The following CNTNAP5 variants were observed in gnomAD, a reference collection of about 807,000 sequenced individuals.
CNTNAP5 encodes the protein contactin-associated protein-like 5.
CNTNAP5 carries 72 observed loss-of-function variants against 150.2 expected under a neutral mutation model. That is an observed-to-expected ratio of 0.48 (90% confidence interval 0.40 to 0.58). The LOEUF is 0.58. Among genes scored for constraint, CNTNAP5 ranks in the 20% least tolerant of loss-of-function variants. CNTNAP5 has a pLI of 0.00. For synonymous variants in CNTNAP5, 672 were observed against 619.8 expected, an observed-to-expected ratio of 1.08 and a Z score of -1.25; for missense variants, 1,636 against 1,626.2, an observed-to-expected ratio of 1.01 and a Z score of -0.10.
chr2:124,047,416 G>A (rs570423787), intron 1 of CNTNAP5, among the ~76,000 whole-genome samples: 36 of 152,370 alleles, frequency 2.4e-4, no homozygotes, highest in African/African-American at 8.4e-4. Context: ...TACACAGAGA[G>A]CTTGGACGGA....
chr2:124,053,014 C>T (rs764307317), intron 1 of CNTNAP5, among the ~76,000 whole-genome samples: 1 of 150,344 alleles, frequency 6.7e-6, no homozygotes, highest in Non-Finnish European at 1.5e-5. Flanking sequence ...CTCCCCCGTC[C>T]CTGCTCTGTG....
At chr2:124,516,362 T>C (rs1215203496) in intron 8 of CNTNAP5, among the ~76,000 whole-genome samples, 1 of 152,134 alleles carries the variant, frequency 6.6e-6, no homozygotes, top group Admixed American at 6.5e-5. Flanking sequence ...AATAAGAGCA[T>C]GTATGAGAGG....
At chr2:124,251,698 C>T (rs895483060) in intron 3 of CNTNAP5, among the ~76,000 whole-genome samples, 1 of 152,084 alleles carries the variant, frequency 6.6e-6, no homozygotes. Flanking sequence ...GAGGAATATG[C>T]ACAGATGGGC....
chr2:124,099,177 A>G (rs1048853882), intron 1 of CNTNAP5, among the ~76,000 whole-genome samples: 3 of 152,110 alleles, frequency 2.0e-5, no homozygotes, highest in Non-Finnish European at 2.9e-5. Context: ...TCAGGGCTTC[A>G]CTTACACTCT....
intron 3 of CNTNAP5, among the ~76,000 whole-genome samples, chr2:124,255,524 A>AAAAATAAAATAAAAT (rs202068928): frequency 1.5e-3 from 193 of 132,148 alleles, no homozygotes; most frequent in African/African-American, 5.3e-3. Flanking sequence ...ACTCTGTCTC[A>AAAAATAAAATAAAAT]AAAATAAAAT....
intron 3 of CNTNAP5, among the ~76,000 whole-genome samples, chr2:124,374,442 T>C (rs1010664648): frequency 6.6e-6 from 1 of 152,112 alleles, no homozygotes; most frequent in Non-Finnish European, 1.5e-5. Context: ...TCCTGCTCTC[T>C]AGACTGTTAC....
chr2:124,515,315 C>T (rs1470800290), intron 8 of CNTNAP5, among the ~76,000 whole-genome samples: 1 of 152,130 alleles, frequency 6.6e-6, no homozygotes, highest in Non-Finnish European at 1.5e-5. Flanking sequence ...GTGACTCAAA[C>T]TCTGACCCCC....
chr2:124,568,784 G>A (rs1388140746), intron 11 of CNTNAP5, among the ~76,000 whole-genome samples: 5 of 152,162 alleles, frequency 3.3e-5, no homozygotes, highest in African/African-American at 9.7e-5. Flanking sequence ...GGTGGCTCAC[G>A]CCTGTAATCC....
At chr2:124,891,145 A>T (rs1260763587) in intron 21 of CNTNAP5, among the ~76,000 whole-genome samples, 2 of 152,118 alleles carry the variant, frequency 1.3e-5, no homozygotes, top group Non-Finnish European at 2.9e-5. Flanking sequence ...TACTTGTGAC[A>T]TTGACTAAGT....
At chr2:124,148,047 G>A (rs1226343172) in intron 1 of CNTNAP5, among the ~76,000 whole-genome samples, 2 of 152,186 alleles carry the variant, frequency 1.3e-5, no homozygotes, top group East Asian at 3.9e-4. Flanking sequence ...CACTCACACT[G>A]CCCATGCCTT....
chr2:124,330,091 G>T (rs1263153419), intron 3 of CNTNAP5, among the ~76,000 whole-genome samples: 2 of 152,228 alleles, frequency 1.3e-5, no homozygotes, highest in East Asian at 3.9e-4. Context: ...ATGAGGCTCT[G>T]GGACCTGTCA....
intron 1 of CNTNAP5, among the ~76,000 whole-genome samples, chr2:124,057,687 T>C (rs1189619675): frequency 6.6e-6 from 1 of 151,816 alleles, no homozygotes; most frequent in Non-Finnish European, 1.5e-5. Context: ...TGAGCTGCAA[T>C]CCAATCTACA....
chr2:124,051,734 T>C (rs893790943), intron 1 of CNTNAP5, among the ~76,000 whole-genome samples: 1 of 152,212 alleles, frequency 6.6e-6, no homozygotes, highest in African/African-American at 2.4e-5. Flanking sequence ...GCTATAGTGG[T>C]GTCCATCTCA....
chr2:124,911,708 G>A (rs567772398), intron 23 of CNTNAP5, among the ~76,000 whole-genome samples, 170 bp downstream of exon 23: 67 of 151,990 alleles, frequency 4.4e-4, no homozygotes, highest in Non-Finnish European at 8.5e-4. Flanking sequence ...ATGATCAAAA[G>A]CACCCTCTGC....
Position 124,025,596 on chromosome 2 carries a change from G to T in CNTNAP5, c.-55G>T. On this transcript the variant is annotated 5_prime_UTR_variant, in exon 1 of 24. Transcript: ENST00000682447. ...GAGAGAGACAGCGAGAAGAAGCCGC[G>T]GCTGGCTACTGCGAATTTGGGATTC... The T allele has an allele frequency of 1.3e-6, 2 of 1,525,286 alleles. No homozygotes were observed. The highest frequency in any genetic ancestry group is 1.1e-5 in the South Asian group (1 of 89,288). The allele number at this position is 1,525,286 out of a possible 1,614,324, so 94.5% of individuals were successfully genotyped here. A position where few individuals can be genotyped will look rare whatever the true frequency, so the allele number is the denominator to read the frequency against.
At chr2:124,413,289 T>C (rs1029712123) in intron 3 of CNTNAP5, among the ~76,000 whole-genome samples, 5 of 151,444 alleles carry the variant, frequency 3.3e-5, no homozygotes, top group African/African-American at 1.2e-4. Flanking sequence ...GGTGGGACTG[T>C]AAACCAGTTC....
intron 3 of CNTNAP5, among the ~76,000 whole-genome samples, chr2:124,346,843 G>A (rs1238749473): frequency 6.6e-6 from 1 of 150,860 alleles, no homozygotes; most frequent in Non-Finnish European, 1.5e-5. Context: ...GGCTGAGGTG[G>A]GAGGATCACC....
intron 3 of CNTNAP5, among the ~76,000 whole-genome samples, chr2:124,295,913 A>G (rs1688418136): frequency 6.6e-6 from 1 of 152,226 alleles, no homozygotes; most frequent in African/African-American, 2.4e-5. Context: ...TCTGCAAGAA[A>G]TAAGTGATTA....
chr2:124,349,860 A>ACTTCTGGC (rs148679950), intron 3 of CNTNAP5, among the ~76,000 whole-genome samples: 18,164 of 127,564 alleles, frequency 0.14, 1,407 homozygotes, highest in African/African-American at 0.17. Context: ...TTTTGAAATG[A>ACTTCTGGC]CTTCTGGCTA....
Sources: allele counts gnomAD v4.1 joint callset (sites outside exome capture counted in the v4.1 genomes callset), GRCh38; gene constraint gnomAD v4.1.1; transcripts MANE v1.5; gene names NCBI Gene and HGNC (gene_info 2026-07-23, HGNC 2026-07-21).